SLC23A2: variants seen among roughly 807,000 people sequenced by gnomAD.
SLC23A2 encodes solute carrier family 23 member 2.
SLC23A2 carries 36 observed loss-of-function variants against 73.3 expected under a neutral mutation model. The observed-to-expected ratio is 0.49, with a 90% CI of 0.38 to 0.65. The LOEUF is 0.65. SLC23A2 is among the 30% of genes least tolerant of loss of function. The pLI is 0.00. For missense variants in SLC23A2, 507 were observed against 841.6 expected (o/e 0.60, Z 4.92); for synonymous variants, 343 against 327.3 (o/e 1.05, Z -0.52).
intron 3 of SLC23A2, among the ~76,000 whole-genome samples, chr20:4,919,808 A>G (rs1301331409): frequency 6.6e-6 from 1 of 152,204 alleles, no homozygotes; most frequent in Non-Finnish European, 1.5e-5. Context: ...AACACATTAC[A>G]GATAACAAAC....
At chr20:4,992,332 C>A (rs975065299) in intron 1 of SLC23A2, among the ~76,000 whole-genome samples, 2 of 151,644 alleles carry the variant, frequency 1.3e-5, no homozygotes, top group African/African-American at 4.8e-5. Context: ...TTAATAGTAC[C>A]CAAAAAATAT....
chr20:4,966,805 G>GTTTTA (rs2087481856), intron 2 of SLC23A2, among the ~76,000 whole-genome samples: 1 of 136,704 alleles, frequency 7.3e-6, no homozygotes, highest in Non-Finnish European at 1.6e-5. Flanking sequence ...ACTTTTGATA[G>GTTTTA]TTTTACACAC....
chr20:4,943,340 G>T (rs184387735), intron 2 of SLC23A2, among the ~76,000 whole-genome samples: 110 of 152,188 alleles, frequency 7.2e-4, no homozygotes, highest in East Asian at 2.5e-3. Flanking sequence ...AGTGGCTCAT[G>T]TGCTTAAGAC....
At chr20:4,926,319 C>A (rs537769807) in intron 3 of SLC23A2, among the ~76,000 whole-genome samples, 33 of 152,158 alleles carry the variant, frequency 2.2e-4, no homozygotes, top group Non-Finnish European at 4.7e-4. Context: ...TGATGACGCA[C>A]TGAAACAACA....
rs570345176 is a variant in SLC23A2 at position 4,908,841 on chromosome 20, T to A, written c.207+4039A>T. 2.1e-3 allele frequency among the ~76,000 whole-genome samples: 322 copies of A among 152,330 alleles called. 1 individual carries two copies. The highest frequency in any genetic ancestry group is 6.8e-3 in the African/African-American group (282 of 41,580). Reference sequence around the variant, plus strand: ...TACTTGGGAGGCTCAGGCTGAGGTATGAGAATTGCTTGAAACTGGGGGGCG... The same window carrying A: ...TACTTGGGAGGCTCAGGCTGAGGTAAGAGAATTGCTTGAAACTGGGGGGCG... On this transcript the variant is annotated intron_variant, in intron 4 of 16. Coordinates refer to ENST00000338244, the MANE Select transcript of SLC23A2 (RefSeq NM_005116.6).
At chr20:4,992,955 G>A (rs771503297) in intron 1 of SLC23A2, among the ~76,000 whole-genome samples, 3 of 151,926 alleles carry the variant, frequency 2.0e-5, no homozygotes, top group Non-Finnish European at 2.9e-5. Context: ...CCAAAATTCA[G>A]TACTTTCTGA....
intron 3 of SLC23A2, among the ~76,000 whole-genome samples, chr20:4,918,595 C>T (rs1932402889): frequency 6.6e-6 from 1 of 152,102 alleles, no homozygotes; most frequent in Admixed American, 6.6e-5. Context: ...GCAGGAGTGA[C>T]AGAAGTCATT....
In SLC23A2 at chr20:4,870,108, G is replaced by A. The variant is rs891383772; in HGVS notation, c.1103-55C>T. On this transcript the variant is annotated intron_variant, in intron 11 of 16. Transcript: ENST00000338244. ...CTAGAGAGGCAGGCGAAAGTGACCA[G>A]GACCAGTTACCCAAAGTCATTCTGA... 9.5e-6 allele frequency: 14 copies of A among 1,467,388 alleles called. No homozygotes were observed. The African/African-American group carries it at 1.1e-4, about 12-fold the overall frequency. The allele number at this position is 1,467,388 out of a possible 1,614,324, so 90.9% of individuals were successfully genotyped here. A position where few individuals can be genotyped will look rare whatever the true frequency, so the allele number is the denominator to read the frequency against.
intron 3 of SLC23A2, among the ~76,000 whole-genome samples, chr20:4,916,899 G>A (rs944413659): frequency 1.3e-5 from 2 of 152,180 alleles, no homozygotes; most frequent in Non-Finnish European, 2.9e-5. Flanking sequence ...ATGTGAGGTA[G>A]GCGGGGTTAA....
chr20:4,861,839 A>G (rs1377943399), intron 15 of SLC23A2, 109 bp downstream of exon 15: 2 of 1,112,738 alleles, frequency 1.8e-6, no homozygotes, highest in African/African-American at 3.1e-5. Context: ...ACGCATCTGC[A>G]CCACAGCTCC....
At chr20:4,987,676 G>A (rs564729048) in intron 1 of SLC23A2, among the ~76,000 whole-genome samples, 87 of 152,028 alleles carry the variant, frequency 5.7e-4, no homozygotes, top group Non-Finnish European at 7.4e-4. Context: ...GTGAAACCCC[G>A]TCTCTACTAA....
At chr20:4,993,423 G>GA (rs1194589516) in intron 1 of SLC23A2, among the ~76,000 whole-genome samples, 4 of 94,898 alleles carry the variant, frequency 4.2e-5, no homozygotes, top group Non-Finnish European at 9.2e-5. Flanking sequence ...AAAAAAAAAA[G>GA]AAAAAAAGAA....
intron 6 of SLC23A2, among the ~76,000 whole-genome samples, chr20:4,891,973 T>C (rs1221587570): frequency 6.6e-6 from 1 of 151,996 alleles, no homozygotes; most frequent in Non-Finnish European, 1.5e-5. Context: ...AGGCTGGTCT[T>C]GAACTTCGGG....
intron 4 of SLC23A2, among the ~76,000 whole-genome samples, chr20:4,910,581 G>A (rs902806826): frequency 1.8e-4 from 27 of 152,034 alleles, no homozygotes; most frequent in Admixed American, 9.2e-4. Context: ...AACCACAGGC[G>A]TGTGACACCC....
chr20:4,906,208 G>A lies in SLC23A2; in HGVS notation c.208-3650C>T, dbSNP rs560897149. ...AAACAAAAATTAGCTGGGTGTGGTG[G>A]CACATGCCAGTGATCACCCGCTCAG... is the stretch of plus-strand genomic sequence containing the variant. On this transcript the variant is annotated intron_variant, in intron 4 of 16. Transcript: ENST00000338244. 2.1e-4 allele frequency among the ~76,000 whole-genome samples: 32 copies of A among 152,340 alleles called. No individual in the cohort carries two copies. The South Asian group carries it at 5.6e-3, about 27-fold the overall frequency.
At chr20:4,944,148 T>TA (rs1192202659) in intron 2 of SLC23A2, among the ~76,000 whole-genome samples, 6 of 152,178 alleles carry the variant, frequency 3.9e-5, no homozygotes, top group Non-Finnish European at 5.9e-5. Flanking sequence ...CTAAAAGAAT[T>TA]AAAAAACCCT....
intron 1 of SLC23A2, among the ~76,000 whole-genome samples, chr20:4,979,787 G>A (rs2087698866): frequency 6.6e-6 from 1 of 152,054 alleles, no homozygotes; most frequent in Non-Finnish European, 1.5e-5. Flanking sequence ...TTTGAAAAAT[G>A]AGACTTCTAA....
intron 4 of SLC23A2, among the ~76,000 whole-genome samples, chr20:4,905,920 C>T (rs574206748): frequency 9.2e-5 from 14 of 152,318 alleles, no homozygotes; most frequent in Non-Finnish European, 1.3e-4. Context: ...TGCCAACCCC[C>T]GCTGTAGCGT....
In SLC23A2 at chr20:4,862,947, T is replaced by G; in HGVS notation, c.1357-40A>C. On this transcript the variant is annotated intron_variant, in intron 13 of 16. Transcript: ENST00000338244. The surrounding 1 kb of genome is among the most constrained non-coding windows in gnomAD (Gnocchi z 5.1). ...GGAGACTGGGAAACAGGGACTCATC[T>G]CCATGCAAAATCACCGTAAGTTACT... The G allele has an allele frequency of 6.3e-7, 1 of 1,586,868 alleles. No homozygotes were observed. The highest frequency in any genetic ancestry group is 8.6e-7 in the Non-Finnish European group (1 of 1,160,682).
Sources: gnomAD v4.1 joint callset for allele counts (sites outside exome capture counted in the v4.1 genomes callset) on GRCh38, gnomAD v4.1.1 for gene constraint, Gnocchi (gnomAD v3.1) non-coding constraint, MANE v1.5 for transcripts, NCBI Gene and HGNC (gene_info 2026-07-23, HGNC 2026-07-21) for gene names.